Variants in C1QL3 observed in about 807,000 individuals in gnomAD.
C1QL3 encodes complement C1q-like protein 3.
Under a neutral mutation model 16.6 loss-of-function variants are expected in C1QL3, and 4 were observed. The observed-to-expected ratio is 0.24, with a 90% CI of 0.12 to 0.55. The LOEUF (loss-of-function observed/expected upper bound fraction) is 0.55, where lower values mean the gene tolerates loss of function less well. C1QL3 is among the 20% of genes least tolerant of loss of function. The pLI is 0.94. For missense variants in C1QL3, 269 were observed against 365.6 expected, an observed-to-expected ratio of 0.74 and a Z score of 2.16; for synonymous variants, 189 against 160.2, an observed-to-expected ratio of 1.18 and a Z score of -1.36.
chr10:16,518,199 G>T (rs1836983159), intron 1 of C1QL3, among the ~76,000 whole-genome samples: 1 of 152,162 alleles, frequency 6.6e-6, no homozygotes, highest in Admixed American at 6.5e-5. Flanking sequence ...GATTTTAAAA[G>T]ATTTCTCATT....
In C1QL3 at chr10:16,520,960, C is replaced by T. The variant is rs1408799162; in HGVS notation, c.106G>A (p.Gly36Arg). The T allele has an allele frequency of 1.3e-6, 2 of 1,582,086 alleles. No individual in the cohort carries two copies. Among genetic ancestry groups the T allele is most frequent in the Admixed American group, 1.7e-5 (1 of 57,482 alleles). ...GTCRMVCDPY[G>R]GTKAPSTAAT... ...GCGGTGCTGGGCGCCTTGGTGCCCC[C>T]GTAGGGGTCGCAGACCATGCGGCAG... The change falls in exon 1 of 2, where the codon GGG becomes AGG. Residue 36 changes from glycine to arginine, a missense_variant. By Grantham distance (125) the Gly-to-Arg change is moderately radical (BLOSUM62 -2). Transcript: ENST00000298943. The surrounding 1 kb of genome is among the most constrained non-coding windows in gnomAD (Gnocchi z 8.3).
intron 1 of C1QL3, among the ~76,000 whole-genome samples, chr10:16,519,998 C>A (rs564339776): frequency 6.6e-6 from 1 of 152,246 alleles, no homozygotes; most frequent in Non-Finnish European, 1.5e-5. Flanking sequence ...CTCATTCCTT[C>A]GGGGCCCTTG....
chr10:16,520,527 C>T lies in C1QL3; in HGVS notation c.539G>A (p.Arg180His). Reference sequence around the variant, plus strand: ...CCACATGCTGGTGCCGTCCCCTCCGCGCATCAGGACGTGGTAGGTGAAGAA... The same window carrying T: ...CCACATGCTGGTGCCGTCCCCTCCGTGCATCAGGACGTGGTAGGTGAAGAA... ...IYFFTYHVLM[R>H]GGDGTSMWAD... The change falls in exon 1 of 2, where the codon CGC becomes CAC. Residue 180 changes from arginine to histidine, a missense_variant. Coordinates refer to ENST00000298943, the MANE Select transcript of C1QL3 (RefSeq NM_001010908.2). The surrounding 1 kb of genome is among the most constrained non-coding windows in gnomAD (Gnocchi z 8.3). 5.0e-6 allele frequency: 8 copies of T among 1,611,492 alleles called. No individual in the cohort carries two copies. The highest frequency in any genetic ancestry group is 5.9e-6 in the Non-Finnish European group (7 of 1,178,846).
chr10:16,520,595 G>T lies in C1QL3; in HGVS notation c.471C>A (p.Asp157Glu). The change falls in exon 1 of 2, where the codon GAC becomes GAA. Residue 157 changes from aspartate to glutamate, a missense_variant. Around this residue, in one of 2 missense-constraint regions of C1QL3, gnomAD observed 246 missense variants for 297.2 expected, o/e 0.83. Coordinates refer to ENST00000298943, the MANE Select transcript of C1QL3 (RefSeq NM_001010908.2). The surrounding 1 kb of genome is among the most constrained non-coding windows in gnomAD (Gnocchi z 8.3). Reference sequence around the variant, plus strand: ...AGCAGGTGAACTTGCCGGTGGTGGGGTCGTAGTGGTTTCCGAGGTTGGTGA... The same window carrying T: ...AGCAGGTGAACTTGCCGGTGGTGGGTTCGTAGTGGTTTCCGAGGTTGGTGA... ...DVVTNLGNHY[D>E]PTTGKFTCSI... is the part of the protein sequence containing the mutation. 1.2e-6 allele frequency: 2 copies of T among 1,613,774 alleles called. No individual in the cohort carries two copies. The highest frequency in any genetic ancestry group is 4.5e-5 in the East Asian group (2 of 44,820).
chr10:16,520,569 G>A lies in C1QL3; in HGVS notation c.497C>T (p.Ser166Phe). The A allele has an allele frequency of 2.5e-6, 4 of 1,613,732 alleles. No individual in the cohort carries two copies. The highest frequency in any genetic ancestry group is 3.4e-6 in the Non-Finnish European group (4 of 1,179,806). The change falls in exon 1 of 2, where the codon TCC (serine) becomes TTC (phenylalanine). Residue 166 changes from serine (S) to phenylalanine (F), a missense_variant. Ser to Phe is a radical substitution (Grantham distance 155). Around this residue, in one of 2 missense-constraint regions of C1QL3, gnomAD observed 246 missense variants for 297.2 expected, o/e 0.83. Transcript: ENST00000298943. This position sits in a 1 kb window ranked among gnomAD's most constrained non-coding sequence, Gnocchi z 8.3. ...YDPTTGKFTC[S>F]IPGIYFFTYH... The stretch of plus-strand genomic sequence containing the variant: ...GGTGAAGAAGTAGATGCCCGGGATG[G>A]AGCAGGTGAACTTGCCGGTGGTGGG...
intron 1 of C1QL3, among the ~76,000 whole-genome samples, chr10:16,517,455 C>T (rs1170139935): frequency 6.6e-6 from 1 of 152,108 alleles, no homozygotes; most frequent in Non-Finnish European, 1.5e-5. Flanking sequence ...TATTAGTTTT[C>T]ATTCGAGTGG....
chr10:16,514,213 T>G lies in C1QL3; in HGVS notation c.*315A>C, dbSNP rs1268633909. The G allele has an allele frequency of 4.6e-6, 2 of 430,456 alleles. No homozygotes were observed. Among genetic ancestry groups the G allele is most frequent in the African/African-American group, 4.1e-5 (2 of 49,116 alleles). 26.7% of individuals were successfully genotyped at this position (430,456 alleles called of 1,614,324 possible). Reference sequence around the variant, plus strand: ...ACAGTACACCAAAGTATCATATATATAGAAGAAATAATTCAATGTCTTAGA... The same window carrying G: ...ACAGTACACCAAAGTATCATATATAGAGAAGAAATAATTCAATGTCTTAGA... On this transcript the variant is annotated 3_prime_UTR_variant, in exon 2 of 2. Transcript: ENST00000298943.
Position 16,520,021 on chromosome 10 carries a change from G to T in C1QL3, c.588+457C>A, listed in dbSNP as rs2133542109. On this transcript the variant is annotated intron_variant, in intron 1 of 1. Transcript: ENST00000298943. The surrounding 1 kb of genome is among the most constrained non-coding windows in gnomAD (Gnocchi z 8.3). The stretch of plus-strand genomic sequence containing the variant: ...TTCGGGGCCCTTGTTTCTCCCTCCG[G>T]CCTTTGTCTACCACCCCCGAGTCGG... Among the ~76,000 whole-genome samples, 1 of 152,072 alleles carries T rather than the reference G, an allele frequency of 6.6e-6. No homozygotes were observed. Among genetic ancestry groups the T allele is most frequent in the East Asian group, 1.9e-4 (1 of 5,154 alleles).
In C1QL3 at chr10:16,520,703, G is replaced by A. The variant is rs1457465719; in HGVS notation, c.363C>T (p.Tyr121=). ...NAAGAISAAT[Y]STVPKIAFYA... ...AGAAGGCGATCTTGGGCACCGTGCT[G>A]TAGGTGGCGGCGCTGATGGCCCCGG... The change falls in exon 1 of 2, where the codon TAC becomes TAT. Residue 121 remains tyrosine, a synonymous_variant. Coordinates refer to ENST00000298943, the MANE Select transcript of C1QL3 (RefSeq NM_001010908.2). The surrounding 1 kb of genome is among the most constrained non-coding windows in gnomAD (Gnocchi z 8.3). 6.3e-7 allele frequency: 1 copy of A among 1,581,046 alleles called. No homozygotes were observed. The highest frequency in any genetic ancestry group is 1.4e-5 in the African/African-American group (1 of 71,842).
rs1300228624 is a variant in C1QL3 at position 16,520,690 on chromosome 10, T to G, written c.376A>C (p.Lys126Gln). Residue 126 changes from lysine to glutamine, a missense_variant, in exon 1 of 2, where the codon AAG (lysine) becomes CAG (glutamine). By Grantham distance (53) the Lys-to-Gln change is moderately conservative (BLOSUM62 1). Around this residue, in one of 2 missense-constraint regions of C1QL3, gnomAD observed 246 missense variants for 297.2 expected, o/e 0.83. Coordinates refer to ENST00000298943, the MANE Select transcript of C1QL3 (RefSeq NM_001010908.2). This position sits in a 1 kb window ranked among gnomAD's most constrained non-coding sequence, Gnocchi z 8.3. ...TTGAGGCCGGCGTAGAAGGCGATCT[T>G]GGGCACCGTGCTGTAGGTGGCGGCG... ...ISAATYSTVP[K>Q]IAFYAGLKRQ... The G allele has an allele frequency of 2.5e-6, 4 of 1,606,710 alleles. No homozygotes were observed. In the Admixed American group the frequency reaches 6.7e-5, roughly 27 times the overall value.
intron 1 of C1QL3, among the ~76,000 whole-genome samples, chr10:16,516,020 T>C (rs980305856): frequency 2.0e-5 from 3 of 152,292 alleles, no homozygotes; most frequent in African/African-American, 4.8e-5. Flanking sequence ...TCTTGTGATA[T>C]AGTCTCACGT....
In C1QL3 at chr10:16,521,107, T is replaced by A. The variant is rs1297549170; in HGVS notation, c.-42A>T. 1 of 1,535,020 alleles carries A rather than the reference T, an allele frequency of 6.5e-7. No individual in the cohort carries two copies. The highest frequency in any genetic ancestry group is 8.8e-7 in the Non-Finnish European group (1 of 1,136,072). ...CCGGCGGCGATCAGGCGCCTCCTGC[T>A]GCCCACCAGCCGGCTCAGCGCGGGG... is the stretch of plus-strand genomic sequence containing the variant. On this transcript the variant is annotated 5_prime_UTR_variant, in exon 1 of 2. Coordinates refer to ENST00000298943, the MANE Select transcript of C1QL3 (RefSeq NM_001010908.2).
At chr10:16,517,674 G>A (rs183158682) in intron 1 of C1QL3, among the ~76,000 whole-genome samples, 10 of 152,296 alleles carry the variant, frequency 6.6e-5, no homozygotes, top group South Asian at 2.1e-4. Context: ...TGGGGAGTAT[G>A]AGAGCTGCGG....
At position 16,520,755 on chromosome 10, in the gene C1QL3, G is replaced by C; in HGVS notation, c.311C>G (p.Pro104Arg). 1 of 1,378,716 alleles carries C rather than the reference G, an allele frequency of 7.3e-7. No homozygotes were observed. The highest frequency in any genetic ancestry group is 9.4e-7 in the Non-Finnish European group (1 of 1,063,818). 85.4% of individuals were successfully genotyped at this position (1,378,716 alleles called of 1,614,324 possible). A position where few individuals can be genotyped will look rare whatever the true frequency, so the allele number is the denominator to read the frequency against. Residue 104 changes from proline (P) to arginine (R), a missense_variant, in exon 1 of 2, where the codon CCG becomes CGG. Physicochemically the swap from Pro to Arg is moderately radical, Grantham distance 103. Transcript: ENST00000298943. This position sits in a 1 kb window ranked among gnomAD's most constrained non-coding sequence, Gnocchi z 8.3. ...CGCGTTCAGGCCGGGCGCCCCGGGC[G>C]GGCCCGGCAGGCCTTGGCGGCCCGG... The part of the protein sequence containing the change: ...GEPGRQGLPG[P>R]PGAPGLNAAG...
In C1QL3 at chr10:16,520,335, T is replaced by TC. The variant is rs1837020663; in HGVS notation, c.588+142dup. On this transcript the variant is annotated intron_variant, in intron 1 of 1. Transcript: ENST00000298943. The surrounding 1 kb of genome is among the most constrained non-coding windows in gnomAD (Gnocchi z 8.3). ...CCCGCCTCTCCAGGGTGGGACGGCG[T>TC]CCCCCCTTGCCGTCGCTCCAGGGAG... 9.4e-6 allele frequency: 6 copies of TC among 636,518 alleles called. No homozygotes were observed. Among genetic ancestry groups the TC allele is most frequent in the Non-Finnish European group, 1.6e-5 (6 of 383,942 alleles). The allele number at this position is 636,518 out of a possible 1,614,324, so 39.4% of individuals were successfully genotyped here. A position where few individuals can be genotyped will look rare whatever the true frequency, so the allele number is the denominator to read the frequency against.
rs1287649187 is a variant in C1QL3, at chr10:16,520,722, G to A, written c.344C>T (p.Ala115Val). ...CGTGCTGTAGGTGGCGGCGCTGATGGCCCCGGCCGCGTTCAGGCCGGGCGC... is the reference window on the plus strand; with the variant it reads ...CGTGCTGTAGGTGGCGGCGCTGATGACCCCGGCCGCGTTCAGGCCGGGCGC... The part of the protein sequence containing the change: ...PGAPGLNAAG[A>V]ISAATYSTVP... The change falls in exon 1 of 2, where the codon GCC (alanine) becomes GTC (valine). Residue 115 changes from alanine (A) to valine (V), a missense_variant. By Grantham distance (64) the Ala-to-Val change is moderately conservative. Coordinates refer to ENST00000298943, the MANE Select transcript of C1QL3 (RefSeq NM_001010908.2). The surrounding 1 kb of genome is among the most constrained non-coding windows in gnomAD (Gnocchi z 8.3). The A allele has an allele frequency of 6.5e-6, 10 of 1,528,710 alleles. No individual in the cohort carries two copies. The highest frequency in any genetic ancestry group is 8.8e-6 in the Non-Finnish European group (10 of 1,135,824). 94.7% of individuals were successfully genotyped at this position (1,528,710 alleles called of 1,614,324 possible).
chr10:16,520,726 C>G lies in C1QL3; in HGVS notation c.340G>C (p.Gly114Arg), dbSNP rs1322421353. The change falls in exon 1 of 2, where the codon GGG (glycine) becomes CGG (arginine). Residue 114 changes from glycine to arginine, a missense_variant. Transcript: ENST00000298943. This position sits in a 1 kb window ranked among gnomAD's most constrained non-coding sequence, Gnocchi z 8.3. ...CTGTAGGTGGCGGCGCTGATGGCCC[C>G]GGCCGCGTTCAGGCCGGGCGCCCCG... ...PPGAPGLNAA[G>R]AISAATYSTV... is the part of the protein sequence containing the mutation. 8.5e-6 allele frequency: 13 copies of G among 1,521,012 alleles called. No homozygotes were observed. Among genetic ancestry groups the G allele is most frequent in the Non-Finnish European group, 1.1e-5 (12 of 1,132,164 alleles). 94.2% of individuals were successfully genotyped at this position (1,521,012 alleles called of 1,614,324 possible).
rs966327132 is a variant in C1QL3 at position 16,521,614 on chromosome 10, CTT to C, written c.-551_-550del. ...CTCGCTCAGTTCGCCCGTCCGCTGC[CTT>C]TTTTTTTTATTGCCTCCTTTCTCTC... On this transcript the variant is annotated 5_prime_UTR_variant, in exon 1 of 2. Coordinates refer to ENST00000298943, the MANE Select transcript of C1QL3 (RefSeq NM_001010908.2). The C allele has an allele frequency of 2.0e-5, 3 of 149,188 alleles. No individual in the cohort carries two copies. Among genetic ancestry groups the C allele is most frequent in the African/African-American group, 4.9e-5 (2 of 40,760 alleles). The allele number at this position is 149,188 out of a possible 1,614,324, so 9.2% of individuals were successfully genotyped here.
intron 1 of C1QL3, 67 bp from the exon 2 acceptor site, chr10:16,514,774 A>C: frequency 8.3e-7 from 1 of 1,205,612 alleles, no homozygotes; most frequent in Non-Finnish European, 1.2e-6. Context: ...TTTGCCATTC[A>C]TGTAGCATCA....
Sources: allele counts gnomAD v4.1 joint callset (sites outside exome capture counted in the v4.1 genomes callset), GRCh38; gene constraint gnomAD v4.1.1; regional missense constraint gnomAD v4.1.1; non-coding constraint Gnocchi (gnomAD v3.1); transcripts MANE v1.5; gene names NCBI Gene and HGNC (gene_info 2026-07-23, HGNC 2026-07-21).